The following HEATR5B variants were observed in gnomAD, a reference collection of about 807,000 sequenced individuals.
The protein encoded by HEATR5B is HEAT repeat containing 5B, also known as HEAT repeat-containing protein 5B.
HEATR5B carries 156 observed loss-of-function variants against 224.1 expected under a neutral mutation model. That is an observed-to-expected ratio of 0.70 (90% confidence interval 0.61 to 0.80). The LOEUF (loss-of-function observed/expected upper bound fraction) is 0.80. HEATR5B is among the 30% of genes least tolerant of loss of function. The probability of loss-of-function intolerance (pLI) is 0.00; values close to 1 mark genes in which losing one functional copy is unlikely to be tolerated. For missense variants in HEATR5B, 2,323 were observed against 2,535.5 expected (o/e 0.92, Z 1.80); for synonymous variants, 1,027 against 893.0 (o/e 1.15, Z -2.68).
intron 22 of HEATR5B, among the ~76,000 whole-genome samples, chr2:37,032,083 G>C (rs1669169417): frequency 6.6e-6 from 1 of 152,118 alleles, no homozygotes; most frequent in African/African-American, 2.4e-5. Flanking sequence ...TACCTTCTTA[G>C]AGGAAAAATT....
rs546425088 is a variant in HEATR5B at position 36,997,211 on chromosome 2, G to T, written c.5545+3375C>A. Among the ~76,000 whole-genome samples, 6 of 152,052 alleles carry T rather than the reference G, an allele frequency of 3.9e-5. No homozygotes were observed. The East Asian group carries it at 1.2e-3, about 29-fold the overall frequency. ...GTTTGTTTGTTTGTTTTGAGATAGGGTCTCACTCTCTCACCCAGACCAGAG... is the reference window on the plus strand; with the variant it reads ...GTTTGTTTGTTTGTTTTGAGATAGGTTCTCACTCTCTCACCCAGACCAGAG... On this transcript the variant is annotated intron_variant, in intron 33 of 35. Transcript: ENST00000233099.
chr2:37,038,226 G>A (rs1251056328), intron 20 of HEATR5B, among the ~76,000 whole-genome samples: 3 of 152,020 alleles, frequency 2.0e-5, no homozygotes, highest in South Asian at 2.1e-4. Flanking sequence ...TGCAACCTCC[G>A]CCTCCCAGGT....
rs771018415 is a variant in HEATR5B at position 37,028,695 on chromosome 2, A to G, written c.3587T>C (p.Leu1196Pro). 5 of 1,613,956 alleles carry G rather than the reference A, an allele frequency of 3.1e-6. No homozygotes were observed. The highest frequency in any genetic ancestry group is 4.2e-6 in the Non-Finnish European group (5 of 1,179,950). Reference sequence around the variant, plus strand: ...TAAATACTTACCACTAGAAGCTGCCAGGACATCTTTACAAAGCATTAGCCA... The same window carrying G: ...TAAATACTTACCACTAGAAGCTGCCGGGACATCTTTACAAAGCATTAGCCA... Reference protein sequence around the residue: ...SHWLMLCKDVLAASSDMSTAT... With the variant: ...SHWLMLCKDVPAASSDMSTAT... The change falls in exon 23 of 36, where the codon CTG becomes CCG. Residue 1196 changes from leucine to proline, a missense_variant. Leu to Pro is a moderately conservative substitution (Grantham distance 98, BLOSUM62 -3). Coordinates refer to ENST00000233099, the MANE Select transcript of HEATR5B (RefSeq NM_019024.3).
chr2:37,065,986 G>T (rs942780069), intron 8 of HEATR5B, 76 bp from the exon 9 acceptor site: 6 of 1,330,652 alleles, frequency 4.5e-6, no homozygotes, highest in Non-Finnish European at 1.0e-6. Flanking sequence ...TACAATTTAT[G>T]ATTTTAGCCA....
intron 22 of HEATR5B, among the ~76,000 whole-genome samples, chr2:37,030,910 C>A (rs1293793653): frequency 6.6e-6 from 1 of 152,214 alleles, no homozygotes; most frequent in Non-Finnish European, 1.5e-5. Context: ...AGGTTTCCCA[C>A]CATTAATTCC....
At chr2:37,041,074 A>T in intron 19 of HEATR5B, 59 bp downstream of exon 19, 1 of 1,402,538 alleles carries the variant, frequency 7.1e-7, no homozygotes, top group Non-Finnish European at 9.9e-7. Context: ...TTCATAGAGC[A>T]AATAATTTTC....
At chr2:36,994,217 G>A (rs913684195) in intron 33 of HEATR5B, among the ~76,000 whole-genome samples, 6 of 152,144 alleles carry the variant, frequency 3.9e-5, no homozygotes, top group Admixed American at 1.3e-4. Context: ...GACAACTGGT[G>A]AATCTAGGAG....
At chr2:37,066,684 T>C (rs1209128955) in intron 8 of HEATR5B, among the ~76,000 whole-genome samples, 2 of 152,050 alleles carry the variant, frequency 1.3e-5, no homozygotes, top group East Asian at 3.9e-4. Context: ...AAATCCCCAA[T>C]ACGTATCATT....
Position 37,049,694 on chromosome 2 carries a change from T to C in HEATR5B, c.2655A>G (p.Glu885=). The change falls in exon 18 of 36, where the codon GAA becomes GAG. Residue 885 remains glutamate, a synonymous_variant. Coordinates refer to ENST00000233099, the MANE Select transcript of HEATR5B (RefSeq NM_019024.3). ...ALGRMAQVVG[E]ATFIARMAQY... ...GGGCCATTCTAGCAATAAAAGTTGC[T>C]TCTCCAACCACCTGAGCCATTCTTC... 6.2e-7 allele frequency: 1 copy of C among 1,614,032 alleles called. No individual in the cohort carries two copies. Among genetic ancestry groups the C allele is most frequent in the African/African-American group, 1.3e-5 (1 of 75,030 alleles).
intron 6 of HEATR5B, among the ~76,000 whole-genome samples, chr2:37,070,712 T>C (rs1325575279): frequency 1.3e-5 from 2 of 152,218 alleles, no homozygotes; most frequent in Non-Finnish European, 2.9e-5. Context: ...CAGTTCTCAT[T>C]CCCGCCTGAG....
chr2:37,040,401 G>A lies in HEATR5B; in HGVS notation c.2974C>T (p.His992Tyr). 6.2e-7 allele frequency: 1 copy of A among 1,614,044 alleles called. No individual in the cohort carries two copies. The highest frequency in any genetic ancestry group is 1.3e-5 in the African/African-American group (1 of 75,054). ...LTLLLTVPPS[H>Y]TEVHQCLGRC... ...CCCAAACACTGATGAACTTCTGTATGTGAAGGCGGAACTGTCAACAGCAAG... is the reference window on the plus strand; with the variant it reads ...CCCAAACACTGATGAACTTCTGTATATGAAGGCGGAACTGTCAACAGCAAG... Residue 992 changes from histidine to tyrosine, a missense_variant, in exon 20 of 36, where the codon CAT (histidine) becomes TAT (tyrosine). Transcript: ENST00000233099.
At chr2:36,994,225 G>A (rs572358822) in intron 33 of HEATR5B, among the ~76,000 whole-genome samples, 59 of 152,264 alleles carry the variant, frequency 3.9e-4, no homozygotes, top group African/African-American at 1.3e-3. Context: ...GTGAATCTAG[G>A]AGAAGGGTAT....
intron 33 of HEATR5B, among the ~76,000 whole-genome samples, chr2:36,997,020 CTCTT>C (rs1666764638): frequency 6.6e-6 from 1 of 152,188 alleles, no homozygotes; most frequent in Admixed American, 6.5e-5. Context: ...TGCGTTTGGC[CTCTT>C]TCTTCTTTCA....
At chr2:37,051,762 C>T (rs1448583259) in intron 17 of HEATR5B, among the ~76,000 whole-genome samples, 7 of 151,558 alleles carry the variant, frequency 4.6e-5, no homozygotes, top group Admixed American at 3.9e-4. Flanking sequence ...TTTTCTGAGA[C>T]AGAGTCTTGC....
chr2:37,039,770 T>G (rs1374853821), intron 20 of HEATR5B, among the ~76,000 whole-genome samples: 5 of 152,184 alleles, frequency 3.3e-5, no homozygotes, highest in African/African-American at 1.2e-4. Context: ...TAGAATTAGC[T>G]CAGTGGAATT....
intron 29 of HEATR5B, 79 bp from the exon 30 acceptor site, chr2:37,005,838 TTA>T (rs1667381304): frequency 1.7e-6 from 2 of 1,176,126 alleles, no homozygotes; most frequent in Non-Finnish European, 2.4e-6. Context: ...TCTTCTCTAT[TTA>T]TGTTTTTACA....
Position 37,065,892 on chromosome 2 carries a change from G to C in HEATR5B, c.1196C>G (p.Thr399Arg). ...MKAVEAVVND[T>R]SGENKSGAAD... ...TGCGCCAGATTTGTTTTCTCCACTT[G>C]TGTCATTCACTACTGCTTCTGGAAA... is the stretch of plus-strand genomic sequence containing the variant. The change falls in exon 9 of 36, where the codon ACA (threonine) becomes AGA (arginine). Residue 399 changes from threonine (T) to arginine (R), a missense_variant. Around this residue, in one of 12 missense-constraint regions of HEATR5B, gnomAD observed 502 missense variants for 517.8 expected, o/e 0.97. Transcript: ENST00000233099. 6.2e-7 allele frequency: 1 copy of C among 1,611,338 alleles called. No individual in the cohort carries two copies. Among genetic ancestry groups the C allele is most frequent in the Non-Finnish European group, 8.5e-7 (1 of 1,177,814 alleles).
chr2:37,059,005 A>C lies in HEATR5B; in HGVS notation c.1850-18T>G. ...CCTCATGGCTAGATAAAATGTTTAA[A>C]AGGACAGATTTGGAGTAGCTTTTGT... On this transcript the variant is annotated intron_variant, in intron 12 of 35. Coordinates refer to ENST00000233099, the MANE Select transcript of HEATR5B (RefSeq NM_019024.3). 2.0e-6 allele frequency: 3 copies of C among 1,526,862 alleles called. No homozygotes were observed. Among genetic ancestry groups the C allele is most frequent in the Non-Finnish European group, 2.7e-6 (3 of 1,107,692 alleles). 94.6% of individuals were successfully genotyped at this position (1,526,862 alleles called of 1,614,324 possible). A position where few individuals can be genotyped will look rare whatever the true frequency, so the allele number is the denominator to read the frequency against.
intron 24 of HEATR5B, among the ~76,000 whole-genome samples, chr2:37,023,042 T>C (rs1435045215): frequency 6.6e-6 from 1 of 151,980 alleles, no homozygotes; most frequent in African/African-American, 2.4e-5. Flanking sequence ...GAACTTTAAA[T>C]AGCTATTATC....
Sources: allele counts gnomAD v4.1 joint callset (sites outside exome capture counted in the v4.1 genomes callset), GRCh38; gene constraint gnomAD v4.1.1; regional missense constraint gnomAD v4.1.1; transcripts MANE v1.5; gene names NCBI Gene and HGNC (gene_info 2026-07-23, HGNC 2026-07-21).